The following PPP2R2B variants were observed in gnomAD, a reference collection of about 807,000 sequenced individuals.
The protein encoded by PPP2R2B is protein phosphatase 2 regulatory subunit Bbeta.
In PPP2R2B, 5 loss-of-function variants were observed where a neutral mutation model predicts 46.0. The ratio of observed to expected loss-of-function variants is 0.11; its 90% CI spans 0.06 to 0.23. The LOEUF is 0.23. PPP2R2B is among the 10% of genes least tolerant of loss of function. The pLI, the probability that PPP2R2B is intolerant of heterozygous loss-of-function variation, is 1.00. For synonymous variants in PPP2R2B, 215 were observed against 206.7 expected (o/e 1.04, Z -0.34); for missense variants, 367 against 575.0 (o/e 0.64, Z 3.70).
At chr5:146,819,283 T>G (rs1758115199) in intron 2 of PPP2R2B, among the ~76,000 whole-genome samples, 1 of 152,224 alleles carries the variant, frequency 6.6e-6, no homozygotes, top group Admixed American at 6.5e-5. Flanking sequence ...AGTTTCTCAG[T>G]GGGCTACATG....
chr5:146,775,650 A>C (rs1316486021), intron 2 of PPP2R2B, among the ~76,000 whole-genome samples: 2 of 152,264 alleles, frequency 1.3e-5, no homozygotes, highest in East Asian at 3.8e-4. Flanking sequence ...AAAATAAATA[A>C]AAGGCACCTA....
At chr5:146,861,118 C>T (rs1047027689) in intron 2 of PPP2R2B, among the ~76,000 whole-genome samples, 8 of 146,694 alleles carry the variant, frequency 5.5e-5, no homozygotes, top group East Asian at 2.0e-4. Flanking sequence ...TGCAGTGGCG[C>T]GATCTCGGCT....
chr5:147,025,028 C>T (rs1755462415), intron 1 of PPP2R2B, among the ~76,000 whole-genome samples: 1 of 151,412 alleles, frequency 6.6e-6, no homozygotes, highest in African/African-American at 2.4e-5. Context: ...ATTGATTAAC[C>T]TCTAGTTGGA....
intron 2 of PPP2R2B, among the ~76,000 whole-genome samples, chr5:146,866,149 G>A (rs1418956400): frequency 6.6e-6 from 1 of 152,128 alleles, no homozygotes; most frequent in African/African-American, 2.4e-5. Context: ...CTTATCATCT[G>A]ACCCTCTACA....
intron 1 of PPP2R2B, among the ~76,000 whole-genome samples, chr5:146,898,180 C>T (rs1474963737): frequency 6.6e-6 from 1 of 152,048 alleles, no homozygotes; most frequent in Admixed American, 6.6e-5. Context: ...AGTGAGACTC[C>T]ATCTCAAAAA....
chr5:146,811,683 C>G (rs1757555865), intron 2 of PPP2R2B, among the ~76,000 whole-genome samples: 1 of 148,748 alleles, frequency 6.7e-6, no homozygotes, highest in African/African-American at 2.5e-5. Flanking sequence ...GCCTCAGCCT[C>G]TCAAGTAGCT....
At chr5:146,810,170 A>G (rs1040047418) in intron 2 of PPP2R2B, among the ~76,000 whole-genome samples, 18 of 152,168 alleles carry the variant, frequency 1.2e-4, no homozygotes, top group Non-Finnish European at 1.9e-4. Context: ...ATTGTGTATT[A>G]GTTCGTTTTC....
Position 146,698,156 on chromosome 5 carries a change from GAAA to G in PPP2R2B, c.169-15_169-13del, listed in dbSNP as rs776996357. The G allele has an allele frequency of 1.3e-6, 2 of 1,562,136 alleles. No individual in the cohort carries two copies. Among genetic ancestry groups the G allele is most frequent in the Admixed American group, 2.1e-5 (1 of 47,780 alleles). The stretch of plus-strand genomic sequence containing the variant: ...ACCTGATTTTTACTCTGTAGGAAAG[GAAA>G]AAAATACACAACAGATTAAATCACA... On this transcript the variant is annotated splice_polypyrimidine_tract_variant and intron_variant, in intron 3 of 9. Transcript: ENST00000394411.
rs964547681 is a variant in PPP2R2B at position 146,832,390 on chromosome 5, T to A, written c.70+45612A>T. Among the ~76,000 whole-genome samples the A allele has an allele frequency of 3.8e-3, 507 of 135,100 alleles. 22 individuals are homozygous for A. Among genetic ancestry groups the A allele is most frequent in the East Asian group, 5.5e-3 (26 of 4,690 alleles). 88.6% of individuals were successfully genotyped at this position (135,100 alleles called of 152,430 possible). On this transcript the variant is annotated intron_variant, in intron 2 of 9. Transcript: ENST00000394411. ...GTGCCATTTTTAATCTTTTTTTTTT[T>A]TTTTTTTTTTTTTTTTTTGAGACAG...
chr5:146,602,237 A>T (rs1344356553), intron 7 of PPP2R2B, among the ~76,000 whole-genome samples: 1 of 152,148 alleles, frequency 6.6e-6, no homozygotes, highest in South Asian at 2.1e-4. Context: ...TTAACAACTG[A>T]TGAGTTTGTT....
intron 2 of PPP2R2B, among the ~76,000 whole-genome samples, chr5:146,819,297 A>G (rs189577113): frequency 6.6e-6 from 1 of 152,306 alleles, no homozygotes; most frequent in East Asian, 1.9e-4. Context: ...CTACATGGAG[A>G]GTTCTCCTTT....
chr5:146,813,009 A>G (rs1245059166), intron 2 of PPP2R2B, among the ~76,000 whole-genome samples: 1 of 149,684 alleles, frequency 6.7e-6, no homozygotes, highest in Admixed American at 6.7e-5. Flanking sequence ...CAGCCAAACC[A>G]TACCAGATGG....
intron 1 of PPP2R2B, among the ~76,000 whole-genome samples, chr5:146,940,859 C>T (rs764614761): frequency 5.3e-5 from 8 of 152,138 alleles, no homozygotes; most frequent in Non-Finnish European, 1.2e-4. Flanking sequence ...AGTGTAGTTA[C>T]TCTAAAGAGA....
intron 1 of PPP2R2B, among the ~76,000 whole-genome samples, chr5:146,950,677 C>T (rs1260777044): frequency 6.6e-6 from 1 of 151,958 alleles, no homozygotes; most frequent in Non-Finnish European, 1.5e-5. Flanking sequence ...CCTAGAAAGA[C>T]TCTAAGTGCT....
intron 2 of PPP2R2B, among the ~76,000 whole-genome samples, chr5:146,745,107 G>C (rs1054651580): frequency 2.0e-5 from 3 of 151,438 alleles, no homozygotes; most frequent in Non-Finnish European, 4.4e-5. Flanking sequence ...TTGCAGCTCA[G>C]TGTCAGTTGT....
chr5:146,779,567 G>T (rs1356895647), intron 2 of PPP2R2B, among the ~76,000 whole-genome samples: 1 of 152,152 alleles, frequency 6.6e-6, no homozygotes, highest in Non-Finnish European at 1.5e-5. Context: ...ACTGAAGCAT[G>T]CTGGGGAGAA....
intron 3 of PPP2R2B, among the ~76,000 whole-genome samples, chr5:146,699,957 C>G (rs1480465900): frequency 6.6e-6 from 1 of 152,062 alleles, no homozygotes; most frequent in Non-Finnish European, 1.5e-5. Flanking sequence ...TTTCGTGTTT[C>G]CAGGGCCAAT....
chr5:147,000,162 C>G (rs1754102660), intron 1 of PPP2R2B, among the ~76,000 whole-genome samples: 1 of 152,168 alleles, frequency 6.6e-6, no homozygotes, highest in African/African-American at 2.4e-5. Context: ...CTATTTATCA[C>G]AAACTTTTGC....
intron 5 of PPP2R2B, among the ~76,000 whole-genome samples, chr5:146,652,905 G>A (rs1331902395): frequency 6.6e-6 from 1 of 152,264 alleles, no homozygotes; most frequent in East Asian, 1.9e-4. Flanking sequence ...GAAGAATGAG[G>A]TAGAATTTTT....
Sources: allele counts gnomAD v4.1 joint callset (sites outside exome capture counted in the v4.1 genomes callset), GRCh38; gene constraint gnomAD v4.1.1; transcripts MANE v1.5; gene names NCBI Gene and HGNC (gene_info 2026-07-23, HGNC 2026-07-21).